DNAH11: variants seen among roughly 807,000 people sequenced by gnomAD.
DNAH11 encodes the protein dynein axonemal heavy chain 11.
In DNAH11, 442 loss-of-function variants were observed where a neutral mutation model predicts 526.0. The ratio of observed to expected loss-of-function variants is 0.84; its 90% CI spans 0.78 to 0.91. The LOEUF is 0.91. Among genes scored for constraint, DNAH11 ranks in the 40% least tolerant of loss-of-function variants. DNAH11 has a pLI of 0.00. For missense variants in DNAH11, 6,989 were observed against 5,448.7 expected (o/e 1.28, Z -8.90); for synonymous variants, 2,461 against 1,935.9 (o/e 1.27, Z -7.12).
chr7:21,783,325 A>T (rs1209665499), intron 57 of DNAH11, among the ~76,000 whole-genome samples: 1 of 152,248 alleles, frequency 6.6e-6, no homozygotes, highest in Non-Finnish European at 1.5e-5. Context: ...AGTACACAGC[A>T]AAATAATGGT....
At chr7:21,866,783 T>A in intron 71 of DNAH11, 120 bp downstream of exon 71, 1 of 1,092,386 alleles carries the variant, frequency 9.2e-7, no homozygotes, top group Non-Finnish European at 1.3e-6. Context: ...GTGATTCTGC[T>A]GAGATTTTGA....
chr7:21,704,708 G>C, intron 38 of DNAH11, 80 bp downstream of exon 38: 1 of 1,469,484 alleles, frequency 6.8e-7, no homozygotes, highest in Non-Finnish European at 9.1e-7. Flanking sequence ...ACTAAAGCAA[G>C]ATGTTAACTT....
At chr7:21,775,559 AGTGTGTTGAGTG>A (rs1030877796) in intron 56 of DNAH11, among the ~76,000 whole-genome samples, 1 of 151,658 alleles carries the variant, frequency 6.6e-6, no homozygotes, top group Non-Finnish European at 1.5e-5. Context: ...TTGAGGTTAC[AGTGTGTTGAGTG>A]GGTCACTGAA....
chr7:21,774,161 A>G lies in DNAH11; in HGVS notation c.9336+162A>G, dbSNP rs10263207. Among the ~76,000 whole-genome samples, 1,557 of 152,286 alleles carry G rather than the reference A, an allele frequency of 0.01. 21 individuals carry two copies. The highest frequency in any genetic ancestry group is 0.035 in the African/African-American group (1,473 of 41,558). On this transcript the variant is annotated intron_variant, in intron 56 of 81. Coordinates refer to ENST00000409508, the MANE Select transcript of DNAH11 (RefSeq NM_001277115.2). ...ACACTGCTACTGCTTTCAAAAGCCT[A>G]CAATGGGATTGGCCGACTCACAGCT... is the stretch of plus-strand genomic sequence containing the variant.
intron 45 of DNAH11, 35 bp downstream of exon 45, chr7:21,726,019 G>C: frequency 6.8e-7 from 1 of 1,467,626 alleles, no homozygotes; most frequent in Non-Finnish European, 9.0e-7. Flanking sequence ...GTATTAGTCT[G>C]TTTTCATATT....
At chr7:21,741,729 A>T (rs1384106360) in intron 48 of DNAH11, among the ~76,000 whole-genome samples, 198 bp from the exon 49 acceptor site, 1 of 152,208 alleles carries the variant, frequency 6.6e-6, no homozygotes, top group Non-Finnish European at 1.5e-5. Context: ...ACCTCTGACA[A>T]CGAGTGGCAC....
chr7:21,643,173 T>C (rs1319693675), intron 28 of DNAH11, among the ~76,000 whole-genome samples: 1 of 152,320 alleles, frequency 6.6e-6, no homozygotes, highest in African/African-American at 2.4e-5. Flanking sequence ...TAACATTCTT[T>C]GGTATTTTTT....
intron 30 of DNAH11, among the ~76,000 whole-genome samples, chr7:21,661,757 A>G (rs1167980129): frequency 1.3e-5 from 2 of 152,142 alleles, no homozygotes. Flanking sequence ...TCTGCAAAAC[A>G]CGGACAATGA....
intron 56 of DNAH11, among the ~76,000 whole-genome samples, chr7:21,775,159 CT>C (rs370380824): frequency 3.3e-3 from 500 of 152,284 alleles, no homozygotes; most frequent in African/African-American, 0.012. Context: ...TGACAAAACA[CT>C]GTGATCTGTA....
intron 28 of DNAH11, among the ~76,000 whole-genome samples, chr7:21,639,936 G>C (rs1194432824): frequency 3.3e-5 from 5 of 151,794 alleles, no homozygotes; most frequent in Non-Finnish European, 5.9e-5. Context: ...ATCTGTGTCT[G>C]TTCACATTGC....
intron 54 of DNAH11, among the ~76,000 whole-genome samples, chr7:21,761,481 G>C (rs1052746537): frequency 6.6e-6 from 1 of 152,134 alleles, no homozygotes; most frequent in Non-Finnish European, 1.5e-5. Context: ...AAAAACATTA[G>C]AAAAGTCTAT....
intron 66 of DNAH11, among the ~76,000 whole-genome samples, chr7:21,847,395 T>C (rs1476468991): frequency 6.6e-6 from 1 of 152,250 alleles, no homozygotes; most frequent in African/African-American, 2.4e-5. Flanking sequence ...TTTGTTTGCA[T>C]TTATGTCAAA....
chr7:21,707,587 A>T (rs1040749936), intron 39 of DNAH11, 112 bp from the exon 40 acceptor site: 38 of 1,320,196 alleles, frequency 2.9e-5, no homozygotes, highest in Non-Finnish European at 3.7e-5. Context: ...CTTAGCACAC[A>T]CACAGCATCT....
intron 11 of DNAH11, 80 bp downstream of exon 11, chr7:21,588,716 A>G (rs1295921982): frequency 6.6e-7 from 1 of 1,513,426 alleles, no homozygotes; most frequent in Non-Finnish European, 9.1e-7. Context: ...AGCTGTTCAT[A>G]TTAGCACTTA....
At chr7:21,867,794 C>T (rs541951096) in intron 71 of DNAH11, 65 bp from the exon 72 acceptor site, 1 of 1,487,290 alleles carries the variant, frequency 6.7e-7, no homozygotes, top group Non-Finnish European at 9.2e-7. Context: ...TTAAGCTTAT[C>T]CAAATGGTGA....
At chr7:21,836,185 C>T (rs1257343709) in intron 65 of DNAH11, among the ~76,000 whole-genome samples, 1 of 152,062 alleles carries the variant, frequency 6.6e-6, no homozygotes. Flanking sequence ...CCAAAGTGAT[C>T]TACACGTTCA....
intron 30 of DNAH11, among the ~76,000 whole-genome samples, chr7:21,676,591 A>T (rs2128470899): frequency 6.6e-6 from 1 of 152,324 alleles, no homozygotes; most frequent in East Asian, 1.9e-4. Context: ...GATTATGTTG[A>T]CAAGCTGTGT....
chr7:21,725,589 T>C (rs1015094109), intron 44 of DNAH11, among the ~76,000 whole-genome samples: 5 of 152,234 alleles, frequency 3.3e-5, no homozygotes, highest in African/African-American at 7.2e-5. Flanking sequence ...CATAGGAATT[T>C]GCATAATACG....
At chr7:21,648,611 G>A (rs1787474881) in intron 28 of DNAH11, among the ~76,000 whole-genome samples, 1 of 152,190 alleles carries the variant, frequency 6.6e-6, no homozygotes, top group Non-Finnish European at 1.5e-5. Flanking sequence ...AGCTGGACTA[G>A]CTGAGGCAAC....
Sources: allele counts gnomAD v4.1 joint callset (sites outside exome capture counted in the v4.1 genomes callset), GRCh38; gene constraint gnomAD v4.1.1; transcripts MANE v1.5; gene names NCBI Gene and HGNC (gene_info 2026-07-23, HGNC 2026-07-21).